JAZF1: variants seen among roughly 807,000 people sequenced by gnomAD.
JAZF1 encodes JAZF zinc finger 1.
A neutral mutation model predicts 26.4 loss-of-function variants in JAZF1; 8 were observed. That is an observed-to-expected ratio of 0.30 (90% CI 0.18 to 0.55). JAZF1 has a LOEUF of 0.55. JAZF1 is among the 20% of genes least tolerant of loss of function. The pLI is 0.94. For synonymous variants in JAZF1, 126 were observed against 122.3 expected (o/e 1.03, Z -0.20); for missense variants, 199 against 322.0 (o/e 0.62, Z 2.92).
At chr7:28,079,481 C>T (rs1189354811) in intron 1 of JAZF1, among the ~76,000 whole-genome samples, 3 of 152,076 alleles carry the variant, frequency 2.0e-5, no homozygotes, top group Admixed American at 2.0e-4. Flanking sequence ...AACTAAGCCA[C>T]GAGGAGCAAA....
At chr7:28,017,930 C>G (rs540434638) in intron 1 of JAZF1, among the ~76,000 whole-genome samples, 12 of 152,262 alleles carry the variant, frequency 7.9e-5, no homozygotes, top group African/African-American at 2.2e-4. Flanking sequence ...CCTGCCACCA[C>G]GTCTGGCTAA....
At chr7:28,158,515 G>A (rs891845391) in intron 1 of JAZF1, among the ~76,000 whole-genome samples, 1 of 152,190 alleles carries the variant, frequency 6.6e-6, no homozygotes, top group African/African-American at 2.4e-5. Context: ...GCTGTGTCAG[G>A]TGTCTGTTAC....
intron 3 of JAZF1, among the ~76,000 whole-genome samples, chr7:27,882,636 A>G (rs1031288262): frequency 6.6e-6 from 1 of 152,174 alleles, no homozygotes; most frequent in Non-Finnish European, 1.5e-5. Context: ...TTTTAGCAAA[A>G]ACAAATTAGC....
chr7:27,830,696 AGACTTAATGTGC>A lies in JAZF1; in HGVS notation c.*2092_*2103del. On this transcript the variant is annotated 3_prime_UTR_variant, in exon 5 of 5. Transcript: ENST00000283928. ...TCTAAAACAAACCTCTGTTGCTTTC[AGACTTAATGTGC>A]TCTGTCCCCAACAAAACATATGAAA... The A allele has an allele frequency of 1.0e-5, 2 of 191,632 alleles. No individual in the cohort carries two copies. The highest frequency in any genetic ancestry group is 1.7e-4 in the East Asian group (2 of 12,042). 11.9% of individuals were successfully genotyped at this position (191,632 alleles called of 1,614,324 possible). A position where few individuals can be genotyped will look rare whatever the true frequency, so the allele number is the denominator to read the frequency against.
chr7:28,133,730 T>C lies in JAZF1; in HGVS notation c.115+46733A>G, dbSNP rs148992770. On this transcript the variant is annotated intron_variant, in intron 1 of 4. Coordinates refer to ENST00000283928, the MANE Select transcript of JAZF1 (RefSeq NM_175061.4). ...CAGTCCTTACTCAGTGTTCTAGCCA[T>C]ATGGGTTTTCCTTCTGTTCCTCTAA... Among the ~76,000 whole-genome samples, 1,403 of 152,300 alleles carry C rather than the reference T, an allele frequency of 9.2e-3. 11 individuals carry two copies. The highest frequency in any genetic ancestry group is 0.015 in the Non-Finnish European group (1,008 of 68,016).
intron 3 of JAZF1, among the ~76,000 whole-genome samples, chr7:27,864,911 T>G (rs1158350452): frequency 6.6e-6 from 1 of 152,186 alleles, no homozygotes; most frequent in African/African-American, 2.4e-5. Context: ...TATAAAGTTT[T>G]TCTGTGGCAA....
chr7:28,153,506 G>T (rs184743784), intron 1 of JAZF1, among the ~76,000 whole-genome samples: 24 of 152,220 alleles, frequency 1.6e-4, no homozygotes, highest in African/African-American at 5.1e-4. Flanking sequence ...AAAAAGGATT[G>T]TTCAGTTCTA....
intron 1 of JAZF1, among the ~76,000 whole-genome samples, chr7:28,162,813 A>C (rs986827339): frequency 6.6e-6 from 1 of 152,188 alleles, no homozygotes; most frequent in Non-Finnish European, 1.5e-5. Flanking sequence ...TGGCTTCAGG[A>C]GTCTTTATTT....
chr7:28,130,181 G>A (rs1782767523), intron 1 of JAZF1, among the ~76,000 whole-genome samples: 1 of 152,044 alleles, frequency 6.6e-6, no homozygotes, highest in African/African-American at 2.4e-5. Context: ...CATTACTGGA[G>A]GCCTCTGGAT....
intron 3 of JAZF1, among the ~76,000 whole-genome samples, chr7:27,872,866 TAA>T (rs1335983071): frequency 6.6e-6 from 1 of 152,048 alleles, no homozygotes; most frequent in Non-Finnish European, 1.5e-5. Context: ...CAGGTCTGCA[TAA>T]AAAGATAGGG....
At chr7:28,082,224 A>G (rs1244373831) in intron 1 of JAZF1, among the ~76,000 whole-genome samples, 1 of 151,976 alleles carries the variant, frequency 6.6e-6, no homozygotes, top group Non-Finnish European at 1.5e-5. Flanking sequence ...CCAAAGCATC[A>G]CCTCCTTCAA....
At chr7:27,995,561 G>A (rs1426081321) in intron 1 of JAZF1, among the ~76,000 whole-genome samples, 3 of 152,120 alleles carry the variant, frequency 2.0e-5, no homozygotes, top group Admixed American at 6.5e-5. Context: ...CAGGTTGACT[G>A]GAGGATAAAA....
intron 3 of JAZF1, among the ~76,000 whole-genome samples, chr7:27,875,961 G>A (rs1783671650): frequency 6.6e-6 from 1 of 152,230 alleles, no homozygotes; most frequent in African/African-American, 2.4e-5. Context: ...GCAGAGGAGA[G>A]CACTCAGGAG....
chr7:27,837,346 T>C (rs1782834467), intron 4 of JAZF1, among the ~76,000 whole-genome samples: 1 of 152,238 alleles, frequency 6.6e-6, no homozygotes, highest in Non-Finnish European at 1.5e-5. Context: ...GGCTCAGTGG[T>C]TGTGGCCTGG....
At position 27,930,832 on chromosome 7, in the gene JAZF1, T is replaced by TAA. The variant is rs775658115; in HGVS notation, c.189-35417_189-35416insTT. Among the ~76,000 whole-genome samples the TAA allele has an allele frequency of 3.5e-5, 5 of 141,028 alleles. No homozygotes were observed. The South Asian group carries it at 7.3e-4, about 21-fold the overall frequency. The allele number at this position is 141,028 out of a possible 152,430, so 92.5% of individuals were successfully genotyped here. ...TTTATCCTATAGACAGCCATTTTTTTTAAAAAAAAAAGGAAGAGATAAGTT... is the reference window on the plus strand; with the variant it reads ...TTTATCCTATAGACAGCCATTTTTTTAATAAAAAAAAAAGGAAGAGATAAGTT... On this transcript the variant is annotated intron_variant, in intron 2 of 4. Coordinates refer to ENST00000283928, the MANE Select transcript of JAZF1 (RefSeq NM_175061.4).
At chr7:27,837,730 G>A (rs1164143131) in intron 4 of JAZF1, among the ~76,000 whole-genome samples, 2 of 152,086 alleles carry the variant, frequency 1.3e-5, no homozygotes, top group Admixed American at 6.5e-5. Flanking sequence ...AGGGACAGGG[G>A]ACCCGAATAT....
At chr7:28,059,218 C>T (rs1783761573) in intron 1 of JAZF1, among the ~76,000 whole-genome samples, 1 of 152,126 alleles carries the variant, frequency 6.6e-6, no homozygotes, top group South Asian at 2.1e-4. Context: ...TAGGACTCTG[C>T]CTGGCATATA....
At chr7:28,029,410 T>C (rs978419236) in intron 1 of JAZF1, among the ~76,000 whole-genome samples, 2 of 152,164 alleles carry the variant, frequency 1.3e-5, no homozygotes, top group African/African-American at 2.4e-5. Context: ...TGCTAACAGA[T>C]GAAAAGAACG....
chr7:28,154,662 T>C (rs1783153699), intron 1 of JAZF1, among the ~76,000 whole-genome samples: 1 of 152,070 alleles, frequency 6.6e-6, no homozygotes, highest in Non-Finnish European at 1.5e-5. Context: ...AATCTATCAC[T>C]GAGCAACCTT....
Sources: allele counts gnomAD v4.1 joint callset (sites outside exome capture counted in the v4.1 genomes callset), GRCh38; gene constraint gnomAD v4.1.1; transcripts MANE v1.5; gene names NCBI Gene and HGNC (gene_info 2026-07-23, HGNC 2026-07-21).